Variants in GLIS3 observed in about 807,000 individuals in gnomAD.
GLIS3 encodes GLIS family zinc finger 3, also known as zinc finger protein GLIS3.
In GLIS3, 53 loss-of-function variants were observed where a neutral mutation model predicts 78.6. The observed-to-expected ratio is 0.67, with a 90% confidence interval of 0.54 to 0.85. The LOEUF (loss-of-function observed/expected upper bound fraction) is 0.85. Ranked by LOEUF, GLIS3 falls within the 40% of genes least tolerant of loss-of-function variation. The probability of loss-of-function intolerance (pLI) is 0.00; values close to 1 mark genes in which losing one functional copy is unlikely to be tolerated. For synonymous variants in GLIS3, 684 were observed against 509.9 expected (o/e 1.34, Z -4.60); for missense variants, 1,703 against 1,231.1 (o/e 1.38, Z -5.74).
At chr9:4,164,426 A>T in intron 2 of GLIS3, among the ~76,000 whole-genome samples, 1 of 152,210 alleles carries the variant, frequency 6.6e-6, no homozygotes, top group Non-Finnish European at 1.5e-5. Flanking sequence ...AAAGAGGAAC[A>T]ATGCAAAAGC....
At chr9:4,002,482 T>C (rs563543392) in intron 4 of GLIS3, among the ~76,000 whole-genome samples, 1 of 152,344 alleles carries the variant, frequency 6.6e-6, no homozygotes, top group East Asian at 1.9e-4. Flanking sequence ...TGCTCCAGCA[T>C]TGTTCTAGGC....
At chr9:4,409,173 C>T in the GLIS3 span, among the ~76,000 whole-genome samples, 1 of 152,162 alleles carries the variant, frequency 6.6e-6, no homozygotes. Flanking sequence ...ACCTTAACTT[C>T]TCCTCTTGGA....
chr9:3,876,311 A>T (rs572744428), intron 8 of GLIS3, among the ~76,000 whole-genome samples: 195 of 66,148 alleles, frequency 2.9e-3, no homozygotes, highest in African/African-American at 7.9e-3. Flanking sequence ...AGTCAAGAAG[A>T]TGAAAAAGAA....
intron 1 of GLIS3, among the ~76,000 whole-genome samples, chr9:4,288,214 C>G (rs1183171422): frequency 6.6e-6 from 1 of 152,196 alleles, no homozygotes; most frequent in Non-Finnish European, 1.5e-5. Flanking sequence ...CTTAATGTCT[C>G]TGTACTTTGC....
At chr9:4,068,770 A>G (rs1257733801) in intron 4 of GLIS3, among the ~76,000 whole-genome samples, 1 of 151,110 alleles carries the variant, frequency 6.6e-6, no homozygotes, top group Non-Finnish European at 1.5e-5. Flanking sequence ...CTGTCAAGGG[A>G]TTTTTTTTCT....
rs1301879737 is a variant in GLIS3 at position 3,907,603 on chromosome 9, C to CG, written c.1984-8769_1984-8768insC. 3.0e-5 allele frequency among the ~76,000 whole-genome samples: 2 copies of CG among 66,772 alleles called. 1 individual carries two copies. The highest frequency in any genetic ancestry group is 6.4e-5 in the Non-Finnish European group (2 of 31,194). 43.8% of individuals were successfully genotyped at this position (66,772 alleles called of 152,430 possible). A position where few individuals can be genotyped will look rare whatever the true frequency, so the allele number is the denominator to read the frequency against. On this transcript the variant is annotated intron_variant, in intron 6 of 10. Transcript: ENST00000381971. The stretch of plus-strand genomic sequence containing the variant: ...CCAATGGCTAGCATCCTCCACCCCC[C>CG]AAACACACACACACACACACAGACA...
chr9:4,155,818 T>C (rs564133922), intron 2 of GLIS3, among the ~76,000 whole-genome samples: 5 of 152,220 alleles, frequency 3.3e-5, no homozygotes, highest in African/African-American at 1.2e-4. Flanking sequence ...ACCTGAGATT[T>C]TGCATTTCTA....
intron 2 of GLIS3, among the ~76,000 whole-genome samples, chr9:4,346,631 G>A (rs1817901265): frequency 6.6e-6 from 1 of 152,178 alleles, no homozygotes; most frequent in African/African-American, 2.4e-5. Flanking sequence ...TTCTCTAGTA[G>A]GACTAACAAG....
chr9:4,365,684 A>T, the GLIS3 span, among the ~76,000 whole-genome samples: 1 of 152,252 alleles, frequency 6.6e-6, no homozygotes, highest in Non-Finnish European at 1.5e-5. Context: ...CGTCATCTGA[A>T]AAACTGGATG....
In GLIS3 at chr9:3,879,512, A is replaced by T; in HGVS notation, c.2212T>A (p.Ser738Thr). Residue 738 changes from serine (S) to threonine (T), a missense_variant, in exon 8 of 11, where the codon TCT becomes ACT. Ser to Thr is a moderately conservative substitution (Grantham distance 58). Coordinates refer to ENST00000381971, the MANE Select transcript of GLIS3 (RefSeq NM_001042413.2). ...CTCCCCTGTACATTATGTCCTGGAG[A>T]AGGGTGACTGACAGGATGTGGGGGT... ...VPPPHPVSHP[S>T]PGHNVQGSPH... 1 of 1,613,970 alleles carries T rather than the reference A, an allele frequency of 6.2e-7. No individual in the cohort carries two copies. The highest frequency in any genetic ancestry group is 8.5e-7 in the Non-Finnish European group (1 of 1,179,958).
chr9:4,206,230 T>C (rs763995771), intron 2 of GLIS3, among the ~76,000 whole-genome samples: 2 of 152,250 alleles, frequency 1.3e-5, no homozygotes, highest in Non-Finnish European at 2.9e-5. Context: ...TATTAGCTTC[T>C]ATATATTTAT....
intron 2 of GLIS3, among the ~76,000 whole-genome samples, chr9:4,153,293 G>C (rs528296908): frequency 6.6e-6 from 1 of 152,328 alleles, no homozygotes; most frequent in East Asian, 1.9e-4. Context: ...GCTGTGCATG[G>C]TGGCTCACAC....
rs115769767 is a variant in GLIS3, at chr9:3,850,463, T to C, written c.2473+5546A>G. On this transcript the variant is annotated intron_variant, in intron 9 of 10. Coordinates refer to ENST00000381971, the MANE Select transcript of GLIS3 (RefSeq NM_001042413.2). ...AAAGACTGTATGTGAACAAACACAATTGCACATTATCCTGACATCATTCCC... is the reference window on the plus strand; with the variant it reads ...AAAGACTGTATGTGAACAAACACAACTGCACATTATCCTGACATCATTCCC... Among the ~76,000 whole-genome samples, 555 of 152,358 alleles carry C rather than the reference T, an allele frequency of 3.6e-3. 1 individual carries two copies. The highest frequency in any genetic ancestry group is 0.012 in the African/African-American group (506 of 41,588).
At chr9:4,020,540 C>T (rs1275635610) in intron 4 of GLIS3, among the ~76,000 whole-genome samples, 4 of 152,164 alleles carry the variant, frequency 2.6e-5, no homozygotes, top group Non-Finnish European at 4.4e-5. Flanking sequence ...ATCCTTTCAA[C>T]CAGTTAGGTT....
chr9:4,301,078 A>G (rs1171228070), upstream of GLIS3, among the ~76,000 whole-genome samples: 2 of 152,170 alleles, frequency 1.3e-5, no homozygotes, highest in African/African-American at 4.8e-5. Context: ...CCAAAACTAA[A>G]AGACTATTGG....
chr9:3,963,971 T>C (rs1350514234), intron 4 of GLIS3, among the ~76,000 whole-genome samples: 2 of 152,214 alleles, frequency 1.3e-5, no homozygotes, highest in Non-Finnish European at 2.9e-5. Flanking sequence ...CAATCTGTGA[T>C]GGTGCACGCA....
At chr9:4,150,315 C>T (rs992835757) in intron 2 of GLIS3, among the ~76,000 whole-genome samples, 1 of 152,188 alleles carries the variant, frequency 6.6e-6, no homozygotes, top group African/African-American at 2.4e-5. Context: ...ACTGACTGTC[C>T]TCTGCTTTTA....
rs181529425 is a variant in GLIS3, at chr9:4,175,371, A to C, written c.389-49430T>G. Among the ~76,000 whole-genome samples the C allele has an allele frequency of 3.2e-3, 485 of 152,344 alleles. 3 individuals are homozygous for C. Among genetic ancestry groups the C allele is most frequent in the African/African-American group, 0.011 (472 of 41,580 alleles). ...ACTGGGTGAATGGAGGCAGAGAAAG[A>C]GGTCTGAAAAGAAATGTCTCCTTCT... On this transcript the variant is annotated intron_variant, in intron 2 of 10. Coordinates refer to ENST00000381971, the MANE Select transcript of GLIS3 (RefSeq NM_001042413.2).
chr9:4,238,331 T>C (rs1029840564), intron 2 of GLIS3, among the ~76,000 whole-genome samples: 13 of 152,118 alleles, frequency 8.5e-5, no homozygotes, highest in Admixed American at 8.5e-4. Flanking sequence ...GGAGAGGGAA[T>C]TGTTGTTTTG....
Sources: gnomAD v4.1 joint callset for allele counts (sites outside exome capture counted in the v4.1 genomes callset) on GRCh38, gnomAD v4.1.1 for gene constraint, MANE v1.5 for transcripts, NCBI Gene and HGNC (gene_info 2026-07-23, HGNC 2026-07-21) for gene names.